Variants in MAN1A1 observed in about 807,000 individuals in gnomAD.
MAN1A1 encodes mannosyl-oligosaccharide 1,2-alpha-mannosidase IA.
Under a neutral mutation model 70.8 loss-of-function variants are expected in MAN1A1, and 29 were observed. The ratio of observed to expected loss-of-function variants is 0.41; its 90% CI spans 0.31 to 0.56. The LOEUF (loss-of-function observed/expected upper bound fraction) is 0.56. MAN1A1 is among the 20% of genes least tolerant of loss of function. The pLI is 0.29. For synonymous variants in MAN1A1, 349 were observed against 330.1 expected (o/e 1.06, Z -0.62); for missense variants, 747 against 841.3 (o/e 0.89, Z 1.39).
At chr6:119,265,417 G>A (rs1450231003) in intron 5 of MAN1A1, among the ~76,000 whole-genome samples, 1 of 151,980 alleles carries the variant, frequency 6.6e-6, no homozygotes, top group Non-Finnish European at 1.5e-5. Context: ...ATTCTTAATA[G>A]GGAAATCAAC....
chr6:119,290,823 G>T, intron 4 of MAN1A1, 60 bp from the exon 5 acceptor site: 1 of 1,111,588 alleles, frequency 9.0e-7, no homozygotes, highest in Non-Finnish European at 1.4e-6. Flanking sequence ...CCATTATTGT[G>T]ATAAATTATA....
chr6:119,227,792 G>A (rs1461265758), intron 6 of MAN1A1, among the ~76,000 whole-genome samples: 3 of 152,102 alleles, frequency 2.0e-5, no homozygotes, highest in Non-Finnish European at 2.9e-5. Flanking sequence ...TGAGAATTGA[G>A]TGATGCATAT....
intron 2 of MAN1A1, among the ~76,000 whole-genome samples, chr6:119,347,449 T>G (rs1319607917): frequency 6.6e-6 from 1 of 152,198 alleles, no homozygotes; most frequent in Non-Finnish European, 1.5e-5. Flanking sequence ...GAACCAAGAT[T>G]TGGAATGACA....
At chr6:119,325,767 G>A (rs1773130139) in intron 2 of MAN1A1, among the ~76,000 whole-genome samples, 1 of 152,112 alleles carries the variant, frequency 6.6e-6, no homozygotes, top group African/African-American at 2.4e-5. Flanking sequence ...GTTTGTCAAA[G>A]GCTTCAACAA....
intron 4 of MAN1A1, among the ~76,000 whole-genome samples, chr6:119,301,670 A>T (rs532877771): frequency 6.6e-6 from 1 of 152,336 alleles, no homozygotes; most frequent in African/African-American, 2.4e-5. Flanking sequence ...TGAGGTTAAG[A>T]TGTTTAATAT....
intron 5 of MAN1A1, among the ~76,000 whole-genome samples, chr6:119,259,255 G>C (rs552892435): frequency 3.3e-5 from 5 of 152,252 alleles, no homozygotes; most frequent in African/African-American, 9.6e-5. Flanking sequence ...ACAAGGATCT[G>C]ATAAGTCAAA....
In MAN1A1 at chr6:119,336,589, A is replaced by G. The variant is rs574417055; in HGVS notation, c.603+11874T>C. On this transcript the variant is annotated intron_variant, in intron 2 of 12. Transcript: ENST00000368468. ...CCTCTACCATGCAATTATTTATATG[A>G]CACAGCACTTTTCAGGAGAAACAAT... 2.6e-5 allele frequency among the ~76,000 whole-genome samples: 4 copies of G among 152,368 alleles called. No individual in the cohort carries two copies. The East Asian group carries it at 7.7e-4, about 29-fold the overall frequency.
intron 5 of MAN1A1, among the ~76,000 whole-genome samples, chr6:119,271,224 T>C (rs958924132): frequency 6.6e-6 from 1 of 152,198 alleles, no homozygotes; most frequent in Admixed American, 6.5e-5. Context: ...CCCTAATTTA[T>C]AATATTCTGT....
rs114785718 is a variant in MAN1A1 at position 119,238,862 on chromosome 6, A to G, written c.992+9398T>C. On this transcript the variant is annotated intron_variant, in intron 6 of 12. Transcript: ENST00000368468. ...AAAAGGGCAACATGAGCATTCACAT[A>G]AAGTCTTCCTGAAACTGGGTCTATT... 5.8e-3 allele frequency among the ~76,000 whole-genome samples: 886 copies of G among 152,238 alleles called. 6 individuals are homozygous for G. The highest frequency in any genetic ancestry group is 0.02 in the African/African-American group (841 of 41,548).
chr6:119,200,750 C>A (rs1773692959), intron 8 of MAN1A1, among the ~76,000 whole-genome samples: 1 of 152,102 alleles, frequency 6.6e-6, no homozygotes, highest in Non-Finnish European at 1.5e-5. Flanking sequence ...ATTCTACTGG[C>A]AAGAAACCTT....
intron 8 of MAN1A1, among the ~76,000 whole-genome samples, chr6:119,200,820 C>T (rs1245574641): frequency 6.6e-6 from 1 of 152,034 alleles, no homozygotes; most frequent in Non-Finnish European, 1.5e-5. Context: ...TCCAATTTCC[C>T]AACTCTTAAA....
At chr6:119,191,697 G>A in intron 9 of MAN1A1, among the ~76,000 whole-genome samples, 1 of 152,088 alleles carries the variant, frequency 6.6e-6, no homozygotes, top group South Asian at 2.1e-4. Context: ...TCCAGATAGG[G>A]CCATGATAGC....
chr6:119,271,115 A>G (rs1018564209), intron 5 of MAN1A1, among the ~76,000 whole-genome samples: 1 of 152,182 alleles, frequency 6.6e-6, no homozygotes, highest in Non-Finnish European at 1.5e-5. Flanking sequence ...CAAGAAACAC[A>G]ACTCTACATT....
intron 3 of MAN1A1, among the ~76,000 whole-genome samples, chr6:119,303,622 TA>T (rs1772453477): frequency 1.3e-5 from 2 of 152,200 alleles, no homozygotes; most frequent in South Asian, 4.1e-4. Flanking sequence ...AATATGTGCT[TA>T]CTAAGAAGTT....
chr6:119,267,233 G>T (rs900681947), intron 5 of MAN1A1, among the ~76,000 whole-genome samples: 3 of 152,170 alleles, frequency 2.0e-5, no homozygotes, highest in Admixed American at 1.3e-4. Flanking sequence ...GCACTCCTTA[G>T]TATTTAAACT....
intron 11 of MAN1A1, among the ~76,000 whole-genome samples, chr6:119,184,247 G>A (rs1773229033): frequency 6.6e-6 from 1 of 152,040 alleles, no homozygotes; most frequent in Non-Finnish European, 1.5e-5. Context: ...TCTAGGCATG[G>A]GGACCACCTT....
chr6:119,348,200 C>A (rs764433412), intron 2 of MAN1A1, among the ~76,000 whole-genome samples: 3 of 152,186 alleles, frequency 2.0e-5, no homozygotes, highest in Admixed American at 2.0e-4. Flanking sequence ...TGTATTTATA[C>A]CCACCTCGTG....
chr6:119,329,444 T>A (rs1335395114), intron 2 of MAN1A1, among the ~76,000 whole-genome samples: 4 of 145,488 alleles, frequency 2.7e-5, no homozygotes, highest in African/African-American at 1.0e-4. Context: ...GATTCCTTTT[T>A]ATAATAAATA....
At chr6:119,274,085 G>C (rs1775992848) in intron 5 of MAN1A1, among the ~76,000 whole-genome samples, 1 of 152,190 alleles carries the variant, frequency 6.6e-6, no homozygotes, top group African/African-American at 2.4e-5. Flanking sequence ...AAAAACTCCT[G>C]AGAGATGCCA....
Sources: gnomAD v4.1 joint callset for allele counts (sites outside exome capture counted in the v4.1 genomes callset) on GRCh38, gnomAD v4.1.1 for gene constraint, MANE v1.5 for transcripts, NCBI Gene and HGNC (gene_info 2026-07-23, HGNC 2026-07-21) for gene names.